RFT1: variants seen among roughly 807,000 people sequenced by gnomAD.
RFT1 encodes the protein man(5)GlcNAc(2)-PP-dolichol translocation protein RFT1.
RFT1 carries 43 observed loss-of-function variants against 62.2 expected under a neutral mutation model. The observed-to-expected ratio is 0.69, with a 90% confidence interval of 0.54 to 0.89. RFT1 has a LOEUF of 0.89. Among genes scored for constraint, RFT1 ranks in the 40% least tolerant of loss-of-function variants. RFT1 has a pLI of 0.00. For synonymous variants in RFT1, 262 were observed against 264.6 expected (o/e 0.99, Z 0.10); for missense variants, 605 against 649.9 (o/e 0.93, Z 0.75).
intron 10 of RFT1, chr3:53,103,265 A>T (rs922573300): frequency 3.0e-6 from 3 of 985,356 alleles, no homozygotes; most frequent in Non-Finnish European, 1.2e-6. Context: ...TTGTCCAGCG[A>T]CCTGAGAAAT....
chr3:53,113,135 C>A (rs1394292926), intron 6 of RFT1, among the ~76,000 whole-genome samples: 1 of 152,190 alleles, frequency 6.6e-6, no homozygotes, highest in African/African-American at 2.4e-5. Context: ...CCCCCCTCAG[C>A]CTCCAGAATA....
the RFT1 span, among the ~76,000 whole-genome samples, chr3:53,078,663 G>C: frequency 6.6e-6 from 1 of 152,158 alleles, no homozygotes; most frequent in Admixed American, 6.5e-5. Flanking sequence ...GATCACTTGA[G>C]CCCTGGAGAT....
chr3:53,095,539 A>G (rs1252525506), intron 11 of RFT1, among the ~76,000 whole-genome samples: 4 of 152,060 alleles, frequency 2.6e-5, no homozygotes, highest in Non-Finnish European at 4.4e-5. Flanking sequence ...TGGTGCCCAG[A>G]GACTCCGTCT....
At chr3:53,096,525 T>G (rs980555631) in intron 11 of RFT1, among the ~76,000 whole-genome samples, 1 of 151,452 alleles carries the variant, frequency 6.6e-6, no homozygotes, top group African/African-American at 2.4e-5. Context: ...CTACTAAAAA[T>G]AAAAATAAAA....
intron 6 of RFT1, among the ~76,000 whole-genome samples, chr3:53,114,030 A>C (rs1701724321): frequency 6.6e-6 from 1 of 152,206 alleles, no homozygotes; most frequent in Non-Finnish European, 1.5e-5. Flanking sequence ...GATGAGAAGG[A>C]AATTGGGCCA....
At position 53,099,426 on chromosome 3, in the gene RFT1, G is replaced by C; in HGVS notation, c.1163C>G (p.Thr388Arg). 6.2e-7 allele frequency: 1 copy of C among 1,614,112 alleles called. No homozygotes were observed. Among genetic ancestry groups the C allele is most frequent in the Non-Finnish European group, 8.5e-7 (1 of 1,180,002 alleles). ...YVLLLAINGV[T>R]ECFTFAAMSK... ...CATGGCAGCAAATGTGAAACACTCT[G>C]TCACTCCATTGATGGCAAGCAGGAG... Residue 388 changes from threonine (T) to arginine (R), a missense_variant, in exon 11 of 13, where the codon ACA becomes AGA. Thr to Arg is a moderately conservative substitution (Grantham distance 71). Coordinates refer to ENST00000296292, the MANE Select transcript of RFT1 (RefSeq NM_052859.4).
chr3:53,100,511 A>G (rs1318379901), intron 10 of RFT1, among the ~76,000 whole-genome samples: 1 of 152,254 alleles, frequency 6.6e-6, no homozygotes, highest in Non-Finnish European at 1.5e-5. Context: ...GATTCATAAT[A>G]GCCAAAACTG....
the RFT1 span, among the ~76,000 whole-genome samples, chr3:53,074,751 C>CT: frequency 1.3e-4 from 20 of 152,104 alleles, no homozygotes; most frequent in African/African-American, 4.6e-4. Flanking sequence ...TCCCTTGATC[C>CT]TTTAGACCGC....
At chr3:53,127,982 G>A (rs1324898571) in intron 1 of RFT1, among the ~76,000 whole-genome samples, 1 of 151,816 alleles carries the variant, frequency 6.6e-6, no homozygotes, top group Admixed American at 6.6e-5. Context: ...AAACACTCAA[G>A]AAACCATATA....
chr3:53,094,000 C>A lies in RFT1; in HGVS notation c.1209-1382G>T, dbSNP rs551649991. 2.0e-5 allele frequency among the ~76,000 whole-genome samples: 3 copies of A among 152,166 alleles called. No homozygotes were observed. The South Asian group carries it at 6.2e-4, about 32-fold the overall frequency. ...CTGCACTCCAGCCTGGGCAACCGAG[C>A]AACACCCTGTCTCAAAATATAATGA... On this transcript the variant is annotated intron_variant, in intron 11 of 12. Transcript: ENST00000296292.
At chr3:53,101,375 A>G (rs373338575) in intron 10 of RFT1, among the ~76,000 whole-genome samples, 1 of 152,172 alleles carries the variant, frequency 6.6e-6, no homozygotes, top group African/African-American at 2.4e-5. Context: ...CCCTGGCAGA[A>G]GCAGAGAAGA....
chr3:53,072,875 A>G, the RFT1 span, among the ~76,000 whole-genome samples: 1 of 152,202 alleles, frequency 6.6e-6, no homozygotes, highest in Non-Finnish European at 1.5e-5. Context: ...CTCTCCTCAC[A>G]GGGCTCCGCC....
intron 11 of RFT1, among the ~76,000 whole-genome samples, chr3:53,098,644 T>C (rs1357612381): frequency 6.6e-6 from 1 of 151,196 alleles, no homozygotes; most frequent in Non-Finnish European, 1.5e-5. Flanking sequence ...CTACTAAAAA[T>C]ACAAAAAATT....
intron 6 of RFT1, among the ~76,000 whole-genome samples, chr3:53,115,012 T>C (rs995471952): frequency 1.3e-5 from 2 of 152,196 alleles, no homozygotes; most frequent in Non-Finnish European, 2.9e-5. Flanking sequence ...TTGCTCCACC[T>C]ATCCCAGTCA....
chr3:53,079,726 AG>A, the RFT1 span, among the ~76,000 whole-genome samples: 2 of 152,194 alleles, frequency 1.3e-5, no homozygotes, highest in Non-Finnish European at 2.9e-5. Context: ...CAAAAGAAAA[AG>A]ACAGCACCCT....
intron 5 of RFT1, 126 bp downstream of exon 5, chr3:53,121,573 C>T: frequency 1.3e-6 from 1 of 774,330 alleles, no homozygotes; most frequent in Non-Finnish European, 2.3e-6. Context: ...GGCCACCCTT[C>T]TGGTGCTTCC....
intron 10 of RFT1, chr3:53,103,373 A>T (rs1330871026): frequency 3.3e-6 from 2 of 602,278 alleles, no homozygotes; most frequent in East Asian, 2.9e-4. Flanking sequence ...CCAAGACCTA[A>T]CAAGTGCTGT....
chr3:53,102,241 G>C (rs781502743), intron 10 of RFT1, among the ~76,000 whole-genome samples: 3 of 152,186 alleles, frequency 2.0e-5, no homozygotes, highest in Admixed American at 6.5e-5. Flanking sequence ...GCCTCTCCTC[G>C]AGCCTTCAGA....
At chr3:53,094,325 C>A (rs1356645389) in intron 11 of RFT1, among the ~76,000 whole-genome samples, 1 of 150,224 alleles carries the variant, frequency 6.7e-6, no homozygotes, top group Admixed American at 6.7e-5. Context: ...TACGCTTTAT[C>A]AAAGTGGGTG....
Sources: gnomAD v4.1 joint callset for allele counts (sites outside exome capture counted in the v4.1 genomes callset) on GRCh38, gnomAD v4.1.1 for gene constraint, MANE v1.5 for transcripts, NCBI Gene and HGNC (gene_info 2026-07-23, HGNC 2026-07-21) for gene names.